The following PDE10A variants were observed in gnomAD, a reference collection of about 807,000 sequenced individuals.
PDE10A encodes the protein phosphodiesterase 10A, also known as cAMP and cAMP-inhibited cGMP 3',5'-cyclic phosphodiesterase 10A.
A neutral mutation model predicts 97.7 loss-of-function variants in PDE10A; 39 were observed. The observed-to-expected ratio is 0.40, with a 90% confidence interval of 0.31 to 0.52. The LOEUF (loss-of-function observed/expected upper bound fraction) is 0.52. PDE10A is among the 20% of genes least tolerant of loss of function. The probability of loss-of-function intolerance (pLI) is 0.56; values close to 1 mark genes in which losing one functional copy is unlikely to be tolerated. For synonymous variants in PDE10A, 371 were observed against 376.8 expected (o/e 0.98, Z 0.18); for missense variants, 731 against 1,047.8 (o/e 0.70, Z 4.17).
chr6:165,629,699 A>G (rs1334247453), intron 1 of PDE10A, among the ~76,000 whole-genome samples: 4 of 151,730 alleles, frequency 2.6e-5, no homozygotes, highest in Admixed American at 1.3e-4. Context: ...ACACCCGGCT[A>G]ATTTTTGTAT....
At chr6:165,890,006 AC>A (rs1221335619) in intron 1 of PDE10A, among the ~76,000 whole-genome samples, 3 of 23,004 alleles carry the variant, frequency 1.3e-4, no homozygotes, top group Non-Finnish European at 1.6e-4. Context: ...TCCCTCCCTC[AC>A]TCCTCACTCC....
At chr6:165,960,551 C>T (rs987115885) in intron 1 of PDE10A, among the ~76,000 whole-genome samples, 1 of 152,100 alleles carries the variant, frequency 6.6e-6, no homozygotes, top group African/African-American at 2.4e-5. Context: ...TTTAGTACAT[C>T]AAAGACAAAG....
At chr6:165,621,712 C>A in intron 1 of PDE10A, among the ~76,000 whole-genome samples, 1 of 151,028 alleles carries the variant, frequency 6.6e-6, no homozygotes, top group South Asian at 2.1e-4. Flanking sequence ...GCCGAGATTG[C>A]GCCACTGAAC....
At chr6:165,618,926 C>CTAGTGTAGTCTAGTGTAGTCTA (rs1787850911) in intron 1 of PDE10A, among the ~76,000 whole-genome samples, 1 of 148,650 alleles carries the variant, frequency 6.7e-6, no homozygotes. Context: ...ATGAGAGAAG[C>CTAGTGTAGTCTAGTGTAGTCTA]GTGTAGTCTA....
At chr6:165,908,043 A>G (rs1782347436) in intron 1 of PDE10A, among the ~76,000 whole-genome samples, 1 of 152,274 alleles carries the variant, frequency 6.6e-6, no homozygotes, top group African/African-American at 2.4e-5. Context: ...ACTGAGGAAT[A>G]TGTTTCCAAA....
chr6:165,369,608 T>C lies in PDE10A; in HGVS notation c.2783+9586A>G, dbSNP rs571467155. Among the ~76,000 whole-genome samples the C allele has an allele frequency of 8.2e-5, 12 of 146,514 alleles. 1 individual carries two copies. The South Asian group carries it at 2.6e-3, about 32-fold the overall frequency. On this transcript the variant is annotated intron_variant, in intron 18 of 21. Transcript: ENST00000539869. ...AGACCAAATCTATGTCTGATTGGTG[T>C]ACCTGAAAGTGATGGGGAGAATGGA...
In PDE10A at chr6:165,447,643, G is replaced by A. The variant is rs1226505097; in HGVS notation, c.1194+1285C>T. On this transcript the variant is annotated intron_variant, in intron 5 of 21. Coordinates refer to ENST00000539869, the MANE Select transcript of PDE10A (RefSeq NM_001385079.1). ...CTTTAAAAATAATTTTTAATGCACC[G>A]AAAAGAAGTAATATCCATTTGTTAT... is the stretch of plus-strand genomic sequence containing the variant. Among the ~76,000 whole-genome samples the A allele has an allele frequency of 5.9e-5, 9 of 152,074 alleles. No homozygotes were observed. In the South Asian group the frequency reaches 6.2e-4, roughly 11 times the overall value.
intron 1 of PDE10A, among the ~76,000 whole-genome samples, chr6:165,821,408 A>T (rs747563265): frequency 3.3e-5 from 5 of 152,244 alleles, no homozygotes; most frequent in Non-Finnish European, 5.9e-5. Flanking sequence ...AGCATTTGAT[A>T]TTTTAATTAC....
At chr6:165,834,885 C>T (rs1027658952) in intron 1 of PDE10A, among the ~76,000 whole-genome samples, 1 of 152,224 alleles carries the variant, frequency 6.6e-6, no homozygotes. Context: ...GCTGGGGATG[C>T]AGAAGTGAGA....
At chr6:165,555,449 A>G (rs1180852975) in intron 1 of PDE10A, among the ~76,000 whole-genome samples, 1 of 152,236 alleles carries the variant, frequency 6.6e-6, no homozygotes, top group African/African-American at 2.4e-5. Context: ...GCACATACTA[A>G]GTGACTTGTG....
At chr6:165,882,900 T>C (rs952845461) in intron 1 of PDE10A, among the ~76,000 whole-genome samples, 10 of 152,126 alleles carry the variant, frequency 6.6e-5, no homozygotes, top group Non-Finnish European at 1.5e-4. Flanking sequence ...GGAGCCAAGC[T>C]ACAGAAGAAA....
intron 1 of PDE10A, among the ~76,000 whole-genome samples, chr6:165,903,744 C>G (rs1439907867): frequency 1.3e-5 from 2 of 148,592 alleles, no homozygotes; most frequent in Admixed American, 6.7e-5. Context: ...AGTGTAGATA[C>G]AAAAAAAAAG....
chr6:165,535,640 C>T (rs967436459), intron 2 of PDE10A, among the ~76,000 whole-genome samples: 2 of 151,180 alleles, frequency 1.3e-5, no homozygotes, highest in Non-Finnish European at 3.0e-5. Context: ...TTTTCTTTGT[C>T]CAATCATCTG....
At chr6:165,489,947 G>C (rs547186554) in intron 2 of PDE10A, among the ~76,000 whole-genome samples, 3 of 152,114 alleles carry the variant, frequency 2.0e-5, no homozygotes, top group Admixed American at 2.0e-4. Flanking sequence ...TTAAAATTAC[G>C]TTAAACAACC....
chr6:165,614,965 A>C (rs1407276983), intron 1 of PDE10A, among the ~76,000 whole-genome samples: 2 of 152,108 alleles, frequency 1.3e-5, no homozygotes, highest in African/African-American at 4.8e-5. Flanking sequence ...TAATACTAGC[A>C]CTCTGTGAGG....
intron 10 of PDE10A, among the ~76,000 whole-genome samples, chr6:165,423,122 A>G (rs1788842923): frequency 6.6e-6 from 1 of 152,142 alleles, no homozygotes; most frequent in South Asian, 2.1e-4. Flanking sequence ...GACTACACAA[A>G]AGTAAGTTGA....
chr6:165,372,448 A>G (rs1473909905), intron 18 of PDE10A, among the ~76,000 whole-genome samples: 28 of 121,318 alleles, frequency 2.3e-4, no homozygotes, highest in Middle Eastern at 4.0e-3. Context: ...ACAAACAGAA[A>G]GCCAAATCAT....
At chr6:165,756,618 G>A (rs187571280) in intron 1 of PDE10A, among the ~76,000 whole-genome samples, 105 of 152,114 alleles carry the variant, frequency 6.9e-4, no homozygotes, top group African/African-American at 2.3e-3. Context: ...CCAATTTCAC[G>A]TAACTAGTTC....
In PDE10A at chr6:165,331,857, G is replaced by C. The variant is rs1040463263; in HGVS notation, c.*1168C>G. 2.0e-5 allele frequency: 3 copies of C among 152,148 alleles called. No individual in the cohort carries two copies. In the East Asian group the frequency reaches 5.8e-4, roughly 29 times the overall value. 9.4% of individuals were successfully genotyped at this position (152,148 alleles called of 1,614,324 possible). A position where few individuals can be genotyped will look rare whatever the true frequency, so the allele number is the denominator to read the frequency against. On this transcript the variant is annotated 3_prime_UTR_variant, in exon 22 of 22. Transcript: ENST00000539869. ...TGATCTGATCTGTGAGAAGAGTAAA[G>C]AGAACAGAAAGAAGGTCCAACATGA... is the stretch of plus-strand genomic sequence containing the variant.
Sources: allele counts gnomAD v4.1 joint callset (sites outside exome capture counted in the v4.1 genomes callset), GRCh38; gene constraint gnomAD v4.1.1; transcripts MANE v1.5; gene names NCBI Gene and HGNC (gene_info 2026-07-23, HGNC 2026-07-21).